The following EPHA6 variants were observed in gnomAD, a reference collection of about 807,000 sequenced individuals.
The protein encoded by EPHA6 is EPH receptor A6.
A neutral mutation model predicts 112.0 loss-of-function variants in EPHA6; 50 were observed. The observed-to-expected ratio is 0.45, with a 90% CI of 0.36 to 0.56. EPHA6 has a LOEUF of 0.56. Among genes scored for constraint, EPHA6 ranks in the 20% least tolerant of loss-of-function variants. The pLI is 0.00. For missense variants in EPHA6, 1,280 were observed against 1,417.4 expected (o/e 0.90, Z 1.56); for synonymous variants, 529 against 490.7 (o/e 1.08, Z -1.03).
At chr3:96,833,567 A>G (rs909471264) in intron 1 of EPHA6, among the ~76,000 whole-genome samples, 2 of 152,014 alleles carry the variant, frequency 1.3e-5, no homozygotes, top group Admixed American at 1.3e-4. Flanking sequence ...CTTAAGGAGT[A>G]AACTATGGTG....
intron 3 of EPHA6, among the ~76,000 whole-genome samples, chr3:97,180,683 T>C (rs2076963138): frequency 6.6e-6 from 1 of 152,042 alleles, no homozygotes; most frequent in Admixed American, 6.6e-5. Context: ...GACTCACAAC[T>C]CTGACTGATG....
At chr3:97,474,552 G>A (rs72928285) in intron 7 of EPHA6, among the ~76,000 whole-genome samples, 28,778 of 151,572 alleles carry the variant, frequency 0.19, 4,115 homozygotes, top group African/African-American at 0.38. Flanking sequence ...CTCTATTATT[G>A]AGGAATTGCC....
rs184661885 is a variant in EPHA6, at chr3:97,477,742, T to A, written c.2004-1552T>A. Among the ~76,000 whole-genome samples, 595 of 152,202 alleles carry A rather than the reference T, an allele frequency of 3.9e-3. 3 individuals are homozygous for A. Among genetic ancestry groups the A allele is most frequent in the African/African-American group, 0.014 (566 of 41,548 alleles). ...CCCTCTATAACATTAATGCTGCCCA[T>A]GCATTTTGAACTGGGGTCACTGATA... On this transcript the variant is annotated intron_variant, in intron 8 of 17. Coordinates refer to ENST00000389672, the MANE Select transcript of EPHA6 (RefSeq NM_001080448.3).
chr3:96,834,243 A>T (rs947121808), intron 1 of EPHA6, among the ~76,000 whole-genome samples: 4 of 152,010 alleles, frequency 2.6e-5, no homozygotes, highest in African/African-American at 9.7e-5. Flanking sequence ...TACACAGGAA[A>T]AAATGAAAGA....
At chr3:97,128,996 C>G (rs2108321655) in intron 3 of EPHA6, among the ~76,000 whole-genome samples, 1 of 151,770 alleles carries the variant, frequency 6.6e-6, no homozygotes, top group East Asian at 1.9e-4. Flanking sequence ...ACCTCAGCCT[C>G]CCAAATAGCT....
At chr3:97,658,733 A>G (rs1431535386) in intron 14 of EPHA6, among the ~76,000 whole-genome samples, 1 of 151,904 alleles carries the variant, frequency 6.6e-6, no homozygotes, top group Non-Finnish European at 1.5e-5. Context: ...TAGAAACTAC[A>G]GTAATCTCCA....
chr3:96,826,305 T>C (rs1468880317), intron 1 of EPHA6, among the ~76,000 whole-genome samples: 1 of 151,998 alleles, frequency 6.6e-6, no homozygotes, highest in African/African-American at 2.4e-5. Context: ...CTAAAACATT[T>C]TAGATAGACT....
At position 96,933,290 on chromosome 3, in the gene EPHA6, A is replaced by C. The variant is rs1282659846; in HGVS notation, c.451-54040A>C. ...AAAGAAGAAGAAAGTAGGTGATTAA[A>C]ATATATTTTTAAAAATGAGGTCCTG... is the stretch of plus-strand genomic sequence containing the variant. On this transcript the variant is annotated intron_variant, in intron 2 of 17. Transcript: ENST00000389672. Among the ~76,000 whole-genome samples, 13 of 152,310 alleles carry C rather than the reference A, an allele frequency of 8.5e-5. No individual in the cohort carries two copies. The South Asian group carries it at 1.0e-3, about 12-fold the overall frequency.
At chr3:97,256,098 C>T (rs1045518015) in intron 5 of EPHA6, among the ~76,000 whole-genome samples, 1 of 152,078 alleles carries the variant, frequency 6.6e-6, no homozygotes, top group Non-Finnish European at 1.5e-5. Context: ...AATGACCCGT[C>T]AAAGCAGAGA....
intron 3 of EPHA6, among the ~76,000 whole-genome samples, chr3:97,048,817 A>G (rs953617232): frequency 6.6e-6 from 1 of 152,162 alleles, no homozygotes; most frequent in South Asian, 2.1e-4. Context: ...CACAAATACA[A>G]CTTATAATAC....
At chr3:96,833,238 A>T (rs1161892047) in intron 1 of EPHA6, among the ~76,000 whole-genome samples, 1 of 150,144 alleles carries the variant, frequency 6.7e-6, no homozygotes, top group Non-Finnish European at 1.5e-5. Context: ...GTTCACAGAC[A>T]TGTACACAAG....
intron 13 of EPHA6, among the ~76,000 whole-genome samples, chr3:97,627,189 T>C (rs2093864946): frequency 6.6e-6 from 1 of 151,924 alleles, no homozygotes; most frequent in Non-Finnish European, 1.5e-5. Context: ...TGCAAATATG[T>C]ATTGACAGAC....
intron 5 of EPHA6, among the ~76,000 whole-genome samples, chr3:97,285,980 A>G (rs1471764365): frequency 1.3e-5 from 2 of 152,122 alleles, no homozygotes; most frequent in African/African-American, 4.8e-5. Flanking sequence ...TTTCTCAATG[A>G]TAGGTGATGT....
intron 5 of EPHA6, among the ~76,000 whole-genome samples, chr3:97,334,573 G>A (rs72926326): frequency 0.03 from 4,395 of 148,152 alleles, 220 homozygotes; most frequent in African/African-American, 0.098. Context: ...TTGAGATACC[G>A]TGCTCAAGCA....
chr3:97,521,574 T>TATCA (rs1255016484), intron 10 of EPHA6, among the ~76,000 whole-genome samples: 1 of 152,132 alleles, frequency 6.6e-6, no homozygotes, highest in African/African-American at 2.4e-5. Context: ...ACTTACTGTC[T>TATCA]ATCATGAGAA....
intron 5 of EPHA6, among the ~76,000 whole-genome samples, chr3:97,402,734 C>T (rs1391231288): frequency 1.3e-5 from 2 of 152,178 alleles, no homozygotes; most frequent in South Asian, 2.1e-4. Context: ...AATTCTCTCT[C>T]GAGAATATAT....
chr3:97,406,284 G>T (rs575397660), intron 6 of EPHA6, among the ~76,000 whole-genome samples: 93 of 152,210 alleles, frequency 6.1e-4, no homozygotes, highest in African/African-American at 2.0e-3. Flanking sequence ...AAATTTATTG[G>T]CTTATGGTTC....
chr3:97,083,069 C>T (rs192880042), intron 3 of EPHA6, among the ~76,000 whole-genome samples: 1 of 151,996 alleles, frequency 6.6e-6, no homozygotes, highest in African/African-American at 2.4e-5. Flanking sequence ...ACCATGAGAG[C>T]AAATTATGTA....
intron 14 of EPHA6, among the ~76,000 whole-genome samples, chr3:97,690,549 C>T (rs1192356836): frequency 6.6e-6 from 1 of 151,766 alleles, no homozygotes; most frequent in Admixed American, 6.6e-5. Flanking sequence ...CTCACTGCAA[C>T]CTCCACCTCC....
Sources: allele counts gnomAD v4.1 joint callset (sites outside exome capture counted in the v4.1 genomes callset), GRCh38; gene constraint gnomAD v4.1.1; transcripts MANE v1.5; gene names NCBI Gene and HGNC (gene_info 2026-07-23, HGNC 2026-07-21).